Variants in CELF2 observed in about 807,000 individuals in gnomAD.
The protein encoded by CELF2 is CUGBP Elav-like family member 2, also known as CUG triplet repeat RNA-binding protein 2.
In CELF2, 8 loss-of-function variants were observed where a neutral mutation model predicts 62.6. That is an observed-to-expected ratio of 0.13 (90% CI 0.07 to 0.23). The LOEUF is 0.23. Ranked by LOEUF, CELF2 falls within the 10% of genes least tolerant of loss-of-function variation. CELF2 has a pLI of 1.00. For synonymous variants in CELF2, 258 were observed against 250.0 expected (o/e 1.03, Z -0.30); for missense variants, 333 against 671.0 (o/e 0.50, Z 5.56).
chr10:10,670,375 TA>T, the CELF2 span, among the ~76,000 whole-genome samples: 1 of 152,078 alleles, frequency 6.6e-6, no homozygotes, highest in Non-Finnish European at 1.5e-5. Flanking sequence ...CAAGTTCTGT[TA>T]AAAAAAATTA....
chr10:10,499,329 G>A, the CELF2 span, among the ~76,000 whole-genome samples: 4 of 152,050 alleles, frequency 2.6e-5, no homozygotes, highest in African/African-American at 9.7e-5. Context: ...GCCTCCCGAA[G>A]TGCTGGGATT....
chr10:11,292,120 AT>A (rs1248190353), intron 9 of CELF2, among the ~76,000 whole-genome samples: 1 of 152,142 alleles, frequency 6.6e-6, no homozygotes, highest in Non-Finnish European at 1.5e-5. Context: ...CATTCCCACC[AT>A]TGACCCTTCA....
chr10:10,694,190 C>T, the CELF2 span, among the ~76,000 whole-genome samples: 1 of 151,692 alleles, frequency 6.6e-6, no homozygotes, highest in Non-Finnish European at 1.5e-5. Context: ...TCAATGCGTC[C>T]CAGAGATTCT....
intron 1 of CELF2, among the ~76,000 whole-genome samples, chr10:10,830,782 C>T (rs1048452737): frequency 6.6e-6 from 1 of 152,090 alleles, no homozygotes; most frequent in African/African-American, 2.4e-5. Context: ...AAGAAGCACA[C>T]AACTGCATAC....
chr10:11,259,657 C>T (rs1158317171), intron 5 of CELF2, among the ~76,000 whole-genome samples: 3 of 152,176 alleles, frequency 2.0e-5, no homozygotes, highest in Non-Finnish European at 2.9e-5. Flanking sequence ...CTGTGGCAGA[C>T]TGCACCACCT....
chr10:10,486,776 T>C, the CELF2 span, among the ~76,000 whole-genome samples: 21 of 152,244 alleles, frequency 1.4e-4, no homozygotes, highest in South Asian at 2.1e-3. Flanking sequence ...ATAAACATTC[T>C]TGGGTTTGTT....
chr10:11,069,925 T>C (rs2069317039), intron 1 of CELF2, among the ~76,000 whole-genome samples: 1 of 152,234 alleles, frequency 6.6e-6, no homozygotes. Context: ...GTAAGGTGGA[T>C]ATATTCCAGC....
the CELF2 span, among the ~76,000 whole-genome samples, chr10:10,656,896 A>G: frequency 6.7e-6 from 1 of 150,242 alleles, no homozygotes; most frequent in East Asian, 1.9e-4. Context: ...ATAAAAAAAT[A>G]ACTTGCACAT....
chr10:11,277,377 CCT>C (rs2086544306), intron 8 of CELF2, among the ~76,000 whole-genome samples: 1 of 152,168 alleles, frequency 6.6e-6, no homozygotes, highest in Non-Finnish European at 1.5e-5. Context: ...GAGAGGGGCG[CCT>C]CTCTCCCGAA....
intron 8 of CELF2, among the ~76,000 whole-genome samples, chr10:11,281,787 C>A (rs1267595889): frequency 6.6e-6 from 1 of 152,166 alleles, no homozygotes; most frequent in Non-Finnish European, 1.5e-5. Context: ...ATTGAGAGAG[C>A]AAAACGTAGT....
Position 11,224,138 on chromosome 10 carries a change from T to A in CELF2, c.354+6631T>A, listed in dbSNP as rs2065750244. The stretch of plus-strand genomic sequence containing the variant: ...AAAGTTGAAAATGCCAGCACAGGAT[T>A]ACAGTAGGGAATAGCCACACCACTT... On this transcript the variant is annotated intron_variant, in intron 3 of 12. Transcript: ENST00000633077. This position sits in a 1 kb window ranked among gnomAD's most constrained non-coding sequence, Gnocchi z 4.5. Among the ~76,000 whole-genome samples the A allele has an allele frequency of 6.6e-6, 1 of 152,184 alleles. No individual in the cohort carries two copies. The highest frequency in any genetic ancestry group is 2.1e-4 in the South Asian group (1 of 4,834).
intron 1 of CELF2, among the ~76,000 whole-genome samples, chr10:10,888,202 T>C (rs2061889966): frequency 6.6e-6 from 1 of 152,256 alleles, no homozygotes; most frequent in Non-Finnish European, 1.5e-5. Flanking sequence ...ACAAGAGATG[T>C]AAATGGTGAA....
the CELF2 span, among the ~76,000 whole-genome samples, chr10:10,656,228 C>T: frequency 3.5e-3 from 532 of 151,148 alleles, 2 homozygotes; most frequent in African/African-American, 0.012. Context: ...ACAACAGGTG[C>T]TGGAGAGGAT....
chr10:10,588,184 C>T, the CELF2 span, among the ~76,000 whole-genome samples: 2 of 152,088 alleles, frequency 1.3e-5, no homozygotes, highest in Non-Finnish European at 2.9e-5. Flanking sequence ...GGCCCCGTGA[C>T]CCATTACCCC....
the CELF2 span, among the ~76,000 whole-genome samples, chr10:10,541,098 C>T: frequency 6.6e-6 from 1 of 151,764 alleles, no homozygotes; most frequent in Non-Finnish European, 1.5e-5. Flanking sequence ...AAAAAATTAG[C>T]CGGGCGTGGT....
chr10:10,662,844 T>G, the CELF2 span, among the ~76,000 whole-genome samples: 4 of 152,184 alleles, frequency 2.6e-5, no homozygotes, highest in Non-Finnish European at 5.9e-5. Flanking sequence ...AAAAGAGAAG[T>G]GTCACTACAA....
At chr10:10,692,075 T>A in the CELF2 span, among the ~76,000 whole-genome samples, 1 of 150,812 alleles carries the variant, frequency 6.6e-6, no homozygotes, top group African/African-American at 2.4e-5. Context: ...AGACATGAAG[T>A]CCTTGCCCAT....
intron 2 of CELF2, among the ~76,000 whole-genome samples, chr10:11,185,119 G>C (rs188267293): frequency 6.6e-6 from 1 of 152,124 alleles, no homozygotes; most frequent in African/African-American, 2.4e-5. Flanking sequence ...TTCTGAGTCT[G>C]TTGAGATGAT....
the CELF2 span, among the ~76,000 whole-genome samples, chr10:10,529,819 G>C: frequency 5.9e-5 from 9 of 152,096 alleles, no homozygotes; most frequent in African/African-American, 2.2e-4. Flanking sequence ...TAATAAGGAT[G>C]ACAAAGATGT....
Sources: allele counts gnomAD v4.1 joint callset (sites outside exome capture counted in the v4.1 genomes callset), GRCh38; gene constraint gnomAD v4.1.1; non-coding constraint Gnocchi (gnomAD v3.1); transcripts MANE v1.5; gene names NCBI Gene and HGNC (gene_info 2026-07-23, HGNC 2026-07-21).